Variants in MARCHF1 observed in about 807,000 individuals in gnomAD.
MARCHF1 encodes membrane associated ring-CH-type finger 1.
Under a neutral mutation model 54.2 loss-of-function variants are expected in MARCHF1, and 40 were observed. That is an observed-to-expected ratio of 0.74 (90% CI 0.57 to 0.96). The LOEUF (loss-of-function observed/expected upper bound fraction) is 0.96. MARCHF1 is among the 40% of genes least tolerant of loss of function. The pLI is 0.00. For synonymous variants in MARCHF1, 236 were observed against 236.3 expected, an observed-to-expected ratio of 1.00 and a Z score of 0.01; for missense variants, 586 against 656.5, an observed-to-expected ratio of 0.89 and a Z score of 1.17.
chr4:163,619,500 A>G (rs1230105904), intron 5 of MARCHF1, among the ~76,000 whole-genome samples: 1 of 152,202 alleles, frequency 6.6e-6, no homozygotes, highest in Non-Finnish European at 1.5e-5. Flanking sequence ...GGATACTTTT[A>G]CCAGACATCT....
intron 8 of MARCHF1, among the ~76,000 whole-genome samples, chr4:163,564,761 G>A (rs1056323850): frequency 1.1e-4 from 17 of 152,122 alleles, no homozygotes; most frequent in African/African-American, 3.6e-4. Flanking sequence ...AGGAAGCCCA[G>A]TTTTCTTGCT....
At chr4:163,570,652 G>T (rs7686950) in intron 8 of MARCHF1, among the ~76,000 whole-genome samples, 8,193 of 152,120 alleles carry the variant, frequency 0.054, 591 homozygotes, top group African/African-American at 0.16. Flanking sequence ...GCCTGGGGAC[G>T]GAATCTAGCC....
chr4:163,624,325 C>T (rs968933111), intron 5 of MARCHF1, among the ~76,000 whole-genome samples: 1 of 152,100 alleles, frequency 6.6e-6, no homozygotes, highest in Non-Finnish European at 1.5e-5. Flanking sequence ...AGGATAAATG[C>T]GCCAACACCC....
intron 2 of MARCHF1, among the ~76,000 whole-genome samples, chr4:164,079,214 T>C (rs977641850): frequency 6.6e-6 from 1 of 152,188 alleles, no homozygotes; most frequent in Non-Finnish European, 1.5e-5. Context: ...TTGTTACATA[T>C]GTTAAATATT....
At chr4:164,060,207 A>G (rs1212208636) in intron 2 of MARCHF1, among the ~76,000 whole-genome samples, 3 of 152,090 alleles carry the variant, frequency 2.0e-5, no homozygotes, top group Admixed American at 6.6e-5. Flanking sequence ...AAATTTTTAT[A>G]CCATATTGAG....
chr4:163,657,057 G>A (rs182910136), intron 5 of MARCHF1, among the ~76,000 whole-genome samples: 1 of 152,144 alleles, frequency 6.6e-6, no homozygotes, highest in East Asian at 1.9e-4. Flanking sequence ...TCTAGCCAGG[G>A]CAATCAGGCA....
At chr4:163,851,700 C>T (rs1749645758) in intron 4 of MARCHF1, among the ~76,000 whole-genome samples, 1 of 152,204 alleles carries the variant, frequency 6.6e-6, no homozygotes. Context: ...ATCTCCTTTT[C>T]CTGGCCACAT....
chr4:164,088,790 A>T lies in MARCHF1; in HGVS notation c.-248+22798T>A, dbSNP rs116385243. On this transcript the variant is annotated intron_variant, in intron 2 of 9. Transcript: ENST00000514618. ...AATAAGTAACCAAATAAGTGAAAAA[A>T]TCCAAAAGACAACTTAATAAGATAA... Among the ~76,000 whole-genome samples the T allele has an allele frequency of 3.2e-3, 487 of 152,286 alleles. 3 individuals are homozygous for T. Among genetic ancestry groups the T allele is most frequent in the African/African-American group, 0.011 (457 of 41,564 alleles).
Position 164,287,155 on chromosome 4 carries a change from A to T in MARCHF1, c.-323+96715T>A, listed in dbSNP as rs574858621. Among the ~76,000 whole-genome samples the T allele has an allele frequency of 8.3e-4, 124 of 148,714 alleles. 1 individual carries two copies. Among genetic ancestry groups the T allele is most frequent in the African/African-American group, 2.7e-3 (111 of 40,986 alleles). Reference sequence around the variant, plus strand: ...ATATAACTATAGAATTTTATGTTTTATATATATATATAATAAATGAAGTCT... The same window carrying T: ...ATATAACTATAGAATTTTATGTTTTTTATATATATATAATAAATGAAGTCT... On this transcript the variant is annotated intron_variant, in intron 1 of 9. Coordinates refer to ENST00000514618, the MANE Select transcript of MARCHF1 (RefSeq NM_001394959.1).
chr4:163,793,314 A>G (rs924466484), intron 4 of MARCHF1, among the ~76,000 whole-genome samples: 1 of 152,172 alleles, frequency 6.6e-6, no homozygotes, highest in Non-Finnish European at 1.5e-5. Flanking sequence ...CGTTACTAGC[A>G]TTGGTGGATT....
chr4:163,994,299 TGTGA>T lies in MARCHF1; in HGVS notation c.-247-5594_-247-5591del, dbSNP rs747165789. ...GTGTGTGTGTGTGTGTGTGTGTGTGTGTGAGTGTGGTGGGGAGGAAGCATTCTCA... is the reference window on the plus strand; with the variant it reads ...GTGTGTGTGTGTGTGTGTGTGTGTGTGTGTGGTGGGGAGGAAGCATTCTCA... On this transcript the variant is annotated intron_variant, in intron 2 of 9. Transcript: ENST00000514618. Among the ~76,000 whole-genome samples, 136 of 147,720 alleles carry T rather than the reference TGTGA, an allele frequency of 9.2e-4. 1 individual carries two copies. The highest frequency in any genetic ancestry group is 2.7e-3 in the African/African-American group (105 of 39,432).
chr4:163,953,985 A>T lies in MARCHF1; in HGVS notation c.-39+34516T>A, dbSNP rs141872364. Among the ~76,000 whole-genome samples the T allele has an allele frequency of 3.6e-3, 549 of 152,306 alleles. 1 individual carries two copies. Among genetic ancestry groups the T allele is most frequent in the Non-Finnish European group, 7.2e-3 (488 of 67,994 alleles). On this transcript the variant is annotated intron_variant, in intron 3 of 9. Transcript: ENST00000514618. ...ATTAATACCAATAAAAAACTACAGC[A>T]GAATTATTCATGAGCAGGCTACTGT...
At chr4:163,893,196 G>A (rs1487174120) in intron 3 of MARCHF1, among the ~76,000 whole-genome samples, 2 of 151,988 alleles carry the variant, frequency 1.3e-5, no homozygotes, top group Non-Finnish European at 2.9e-5. Context: ...CTGGGATGCA[G>A]TGGCGGGATC....
intron 3 of MARCHF1, among the ~76,000 whole-genome samples, chr4:163,914,580 C>A (rs1398704296): frequency 1.3e-5 from 2 of 152,014 alleles, no homozygotes; most frequent in Non-Finnish European, 2.9e-5. Flanking sequence ...ATAAATATAT[C>A]AGATGGCTAG....
intron 1 of MARCHF1, among the ~76,000 whole-genome samples, chr4:164,218,204 G>A (rs766669755): frequency 6.6e-6 from 1 of 152,066 alleles, no homozygotes; most frequent in Non-Finnish European, 1.5e-5. Flanking sequence ...AGTATCAGGA[G>A]GTAATGGAGA....
chr4:163,848,399 T>C (rs1254562691), intron 4 of MARCHF1, among the ~76,000 whole-genome samples: 3 of 152,282 alleles, frequency 2.0e-5, no homozygotes, highest in East Asian at 3.9e-4. Flanking sequence ...AAAATCATAA[T>C]TGATTATAGG....
intron 3 of MARCHF1, among the ~76,000 whole-genome samples, chr4:163,873,076 C>A (rs909086581): frequency 4.8e-5 from 7 of 144,402 alleles, no homozygotes; most frequent in African/African-American, 1.1e-4. Context: ...CAAAAAAAAA[C>A]AAACAAACAA....
At chr4:163,711,105 AATTTTTTGTAAATTACACGTC>A (rs1437941332) in intron 4 of MARCHF1, among the ~76,000 whole-genome samples, 1 of 151,896 alleles carries the variant, frequency 6.6e-6, no homozygotes, top group Non-Finnish European at 1.5e-5. Context: ...AATGACGTGT[AATTTTTTGTAAATTACACGTC>A]ATTTACAAAA....
chr4:164,370,376 G>A (rs1008583599), intron 1 of MARCHF1, among the ~76,000 whole-genome samples: 1 of 152,206 alleles, frequency 6.6e-6, no homozygotes, highest in Non-Finnish European at 1.5e-5. Flanking sequence ...TTGAAATAGA[G>A]GAGCGGTGGC....
Sources: allele counts gnomAD v4.1 joint callset (sites outside exome capture counted in the v4.1 genomes callset), GRCh38; gene constraint gnomAD v4.1.1; transcripts MANE v1.5; gene names NCBI Gene and HGNC (gene_info 2026-07-23, HGNC 2026-07-21).